The following LAMA2 variants were observed in gnomAD, a reference collection of about 807,000 sequenced individuals.
The protein encoded by LAMA2 is laminin subunit alpha 2.
Under a neutral mutation model 364.8 loss-of-function variants are expected in LAMA2, and 269 were observed. That is an observed-to-expected ratio of 0.74 (90% CI 0.67 to 0.82). The LOEUF (loss-of-function observed/expected upper bound fraction) is 0.82. Ranked by LOEUF, LAMA2 falls within the 40% of genes least tolerant of loss-of-function variation. The pLI is 0.00. For synonymous variants in LAMA2, 1,379 were observed against 1,370.6 expected (o/e 1.01, Z -0.14); for missense variants, 3,807 against 3,873.2 (o/e 0.98, Z 0.45).
intron 2 of LAMA2, among the ~76,000 whole-genome samples, chr6:129,053,033 T>G (rs1788195341): frequency 6.6e-6 from 1 of 152,198 alleles, no homozygotes; most frequent in Non-Finnish European, 1.5e-5. Flanking sequence ...ACCAGAAACC[T>G]TTCCTATTAA....
At chr6:129,205,122 G>C (rs886699495) in intron 12 of LAMA2, among the ~76,000 whole-genome samples, 18 of 152,184 alleles carry the variant, frequency 1.2e-4, no homozygotes, top group African/African-American at 4.1e-4. Flanking sequence ...GGGCAGGGTG[G>C]CTCATGCCTG....
chr6:129,413,147 G>A (rs1393383341), intron 40 of LAMA2, among the ~76,000 whole-genome samples: 2 of 151,894 alleles, frequency 1.3e-5, no homozygotes, highest in African/African-American at 2.4e-5. Flanking sequence ...GAAGAAAGCT[G>A]GTATGCTACC....
intron 27 of LAMA2, 29 bp downstream of exon 27, chr6:129,316,200 C>A: frequency 6.4e-7 from 1 of 1,564,402 alleles, no homozygotes; most frequent in Non-Finnish European, 8.8e-7. Context: ...TATTCAAGCT[C>A]TTATTTTAGA....
chr6:129,254,850 A>G (rs1284717187), intron 14 of LAMA2, among the ~76,000 whole-genome samples: 1 of 152,162 alleles, frequency 6.6e-6, no homozygotes, highest in Non-Finnish European at 1.5e-5. Context: ...AAAGGCTTTT[A>G]TGAAGCACCT....
Position 129,353,152 on chromosome 6 carries a change from G to C in LAMA2, c.4524-12G>C, listed in dbSNP as rs1443007109. 1 of 1,607,922 alleles carries C rather than the reference G, an allele frequency of 6.2e-7. No homozygotes were observed. The highest frequency in any genetic ancestry group is 8.5e-7 in the Non-Finnish European group (1 of 1,175,280). ...TATTAACCTCTTTTGCTTTGTCACT[G>C]TTTCAATTCAGGTGTGCCCCTGGCT... On this transcript the variant is annotated splice_polypyrimidine_tract_variant and intron_variant, in intron 31 of 64. Transcript: ENST00000421865.
At chr6:129,413,176 G>T (rs1450033137) in intron 40 of LAMA2, among the ~76,000 whole-genome samples, 2 of 151,946 alleles carry the variant, frequency 1.3e-5, no homozygotes, top group Non-Finnish European at 2.9e-5. Flanking sequence ...CAATCAAAAA[G>T]ACTTTAATTT....
intron 1 of LAMA2, among the ~76,000 whole-genome samples, chr6:128,924,046 A>G (rs1345480381): frequency 6.6e-6 from 1 of 151,934 alleles, no homozygotes; most frequent in South Asian, 2.1e-4. Flanking sequence ...TAGGGAACAC[A>G]AGAATATTTT....
chr6:129,202,707 G>A (rs549449607), intron 12 of LAMA2, among the ~76,000 whole-genome samples: 1 of 152,126 alleles, frequency 6.6e-6, no homozygotes, highest in African/African-American at 2.4e-5. Context: ...AACAACGCAA[G>A]CAATCAAATG....
intron 34 of LAMA2, among the ~76,000 whole-genome samples, chr6:129,378,023 C>A (rs1439615856): frequency 6.6e-6 from 1 of 150,724 alleles, no homozygotes; most frequent in Non-Finnish European, 1.5e-5. Context: ...AAAAGGTAAT[C>A]AAAGGCAAGA....
chr6:129,473,410 TCA>T, intron 52 of LAMA2, 58 bp downstream of exon 52: 1 of 1,499,976 alleles, frequency 6.7e-7, no homozygotes, highest in African/African-American at 1.4e-5. Flanking sequence ...ACCACTATGC[TCA>T]CTAGAGTTCT....
intron 29 of LAMA2, among the ~76,000 whole-genome samples, chr6:129,339,428 G>T (rs1005716818): frequency 6.6e-6 from 1 of 152,164 alleles, no homozygotes; most frequent in Admixed American, 6.5e-5. Flanking sequence ...ACGCTTCTGT[G>T]TTATACAATA....
intron 27 of LAMA2, among the ~76,000 whole-genome samples, chr6:129,318,137 G>A (rs955271881): frequency 6.6e-6 from 1 of 152,080 alleles, no homozygotes; most frequent in African/African-American, 2.4e-5. Context: ...GGTTTGAATA[G>A]TCCCCCTAAA....
chr6:129,198,680 C>G (rs1781994180), intron 12 of LAMA2, among the ~76,000 whole-genome samples: 1 of 151,908 alleles, frequency 6.6e-6, no homozygotes, highest in Non-Finnish European at 1.5e-5. Context: ...ACTGCAATTA[C>G]TTCAAAAATA....
intron 12 of LAMA2, among the ~76,000 whole-genome samples, chr6:129,213,834 C>T (rs1169032068): frequency 6.6e-6 from 1 of 152,064 alleles, no homozygotes; most frequent in African/African-American, 2.4e-5. Flanking sequence ...CAGTGTCTTT[C>T]ACAGAGAAGA....
intron 37 of LAMA2, among the ~76,000 whole-genome samples, chr6:129,395,430 A>G (rs1304641018): frequency 1.3e-5 from 2 of 152,194 alleles, no homozygotes; most frequent in African/African-American, 2.4e-5. Flanking sequence ...GAGCCCCCTT[A>G]GAGCAGCAGC....
chr6:129,222,478 G>A (rs930270857), intron 12 of LAMA2, among the ~76,000 whole-genome samples: 1 of 147,248 alleles, frequency 6.8e-6, no homozygotes, highest in African/African-American at 2.5e-5. Context: ...ATCTCCTAAT[G>A]CTATCCCTCC....
chr6:129,479,605 G>T (rs1217149348), intron 54 of LAMA2: 2 of 152,086 alleles, frequency 1.3e-5, no homozygotes, highest in Non-Finnish European at 2.9e-5. Flanking sequence ...AAATGAAAAC[G>T]TTAAATATGT....
At chr6:129,499,990 A>G (rs1013746324) in intron 58 of LAMA2, among the ~76,000 whole-genome samples, 1 of 152,048 alleles carries the variant, frequency 6.6e-6, no homozygotes, top group African/African-American at 2.4e-5. Flanking sequence ...TACTAGCCTC[A>G]AGCGATCTTC....
At chr6:128,934,768 C>A (rs939713918) in intron 1 of LAMA2, among the ~76,000 whole-genome samples, 3 of 152,134 alleles carry the variant, frequency 2.0e-5, no homozygotes, top group Admixed American at 1.3e-4. Context: ...CTCAGCCTCC[C>A]AAAGTGCTGG....
Sources: gnomAD v4.1 joint callset for allele counts (sites outside exome capture counted in the v4.1 genomes callset) on GRCh38, gnomAD v4.1.1 for gene constraint, MANE v1.5 for transcripts, NCBI Gene and HGNC (gene_info 2026-07-23, HGNC 2026-07-21) for gene names.